SORT1: variants seen among roughly 807,000 people sequenced by gnomAD.
The protein encoded by SORT1 is sortilin 1.
Under a neutral mutation model 101.7 loss-of-function variants are expected in SORT1, and 39 were observed. That is an observed-to-expected ratio of 0.38 (90% CI 0.30 to 0.50). The LOEUF (loss-of-function observed/expected upper bound fraction) is 0.50, where lower values mean the gene tolerates loss of function less well. SORT1 is among the 20% of genes least tolerant of loss of function. The pLI is 0.90. For synonymous variants in SORT1, 396 were observed against 393.7 expected, an observed-to-expected ratio of 1.01 and a Z score of -0.07; for missense variants, 878 against 1,040.4, an observed-to-expected ratio of 0.84 and a Z score of 2.15.
At chr1:109,353,917 G>A (rs1344712270) in intron 5 of SORT1, among the ~76,000 whole-genome samples, 1 of 151,926 alleles carries the variant, frequency 6.6e-6, no homozygotes, top group Non-Finnish European at 1.5e-5. Flanking sequence ...TTAAGACTTT[G>A]GATATTTAAT....
intron 1 of SORT1, among the ~76,000 whole-genome samples, chr1:109,384,244 C>T (rs898035151): frequency 1.5e-4 from 23 of 152,314 alleles, no homozygotes; most frequent in African/African-American, 5.3e-4. Flanking sequence ...ATGTCACTAT[C>T]ATGCATTAAA....
At chr1:109,361,344 T>A (rs1650708958) in intron 3 of SORT1, among the ~76,000 whole-genome samples, 1 of 152,208 alleles carries the variant, frequency 6.6e-6, no homozygotes. Context: ...GCTTTTTCTC[T>A]ACTGTCCAAC....
intron 1 of SORT1, among the ~76,000 whole-genome samples, chr1:109,387,949 C>CA (rs913320279): frequency 5.9e-4 from 86 of 144,784 alleles, no homozygotes; most frequent in African/African-American, 1.1e-3. Context: ...GACCCTGTCT[C>CA]AAAAAAAAAA....
At chr1:109,376,032 G>A (rs1288324250) in intron 1 of SORT1, among the ~76,000 whole-genome samples, 1 of 152,142 alleles carries the variant, frequency 6.6e-6, no homozygotes, top group Non-Finnish European at 1.5e-5. Flanking sequence ...TGTGAAAAGC[G>A]ATTTGGAGAT....
chr1:109,322,741 T>C (rs1054990020), intron 15 of SORT1, among the ~76,000 whole-genome samples, 191 bp downstream of exon 15: 12 of 152,202 alleles, frequency 7.9e-5, no homozygotes, highest in African/African-American at 2.9e-4. Flanking sequence ...GGTTTCACCA[T>C]GTTGACCAGG....
rs999396296 is a variant in SORT1 at position 109,310,925 on chromosome 1, G to C, written c.*3118C>G. ...CATTACCAGCCTGTCAAGGATGAAA[G>C]ACCACCTTGGGCATGGAGAGGCCCA... is the stretch of plus-strand genomic sequence containing the variant. On this transcript the variant is annotated 3_prime_UTR_variant, in exon 20 of 20. Transcript: ENST00000256637. 6.6e-6 allele frequency: 1 copy of C among 152,156 alleles called. No homozygotes were observed. The highest frequency in any genetic ancestry group is 1.5e-5 in the Non-Finnish European group (1 of 68,074). 9.4% of individuals were successfully genotyped at this position (152,156 alleles called of 1,614,324 possible). A position where few individuals can be genotyped will look rare whatever the true frequency, so the allele number is the denominator to read the frequency against.
intron 3 of SORT1, among the ~76,000 whole-genome samples, chr1:109,362,177 G>T (rs1650767775): frequency 6.6e-6 from 1 of 151,926 alleles, no homozygotes; most frequent in South Asian, 2.1e-4. Context: ...CATTAAATAA[G>T]GTATCTTTAA....
At chr1:109,326,829 T>C (rs1365990150) in intron 13 of SORT1, 163 bp downstream of exon 13, 5 of 510,258 alleles carry the variant, frequency 9.8e-6, no homozygotes, top group Non-Finnish European at 1.4e-5. Context: ...TGCCATTTAA[T>C]CTGAGTTGCC....
intron 13 of SORT1, among the ~76,000 whole-genome samples, chr1:109,325,538 C>A (rs1647948587): frequency 6.6e-6 from 1 of 152,046 alleles, no homozygotes; most frequent in South Asian, 2.1e-4. Context: ...CCGCACCCAG[C>A]CAACTATTTT....
chr1:109,332,882 C>T (rs1435255142), intron 11 of SORT1, among the ~76,000 whole-genome samples: 5 of 152,138 alleles, frequency 3.3e-5, no homozygotes, highest in African/African-American at 4.8e-5. Context: ...CTTAAATAAA[C>T]GGTGCTGGGA....
chr1:109,314,409 C>T, intron 18 of SORT1, 25 bp from the exon 19 acceptor site: 1 of 1,612,526 alleles, frequency 6.2e-7, no homozygotes, highest in Non-Finnish European at 8.5e-7. Flanking sequence ...CTCCTTAACA[C>T]TCGGTGGTAC....
chr1:109,381,274 A>G (rs1652213908), intron 1 of SORT1, among the ~76,000 whole-genome samples: 1 of 152,186 alleles, frequency 6.6e-6, no homozygotes, highest in South Asian at 2.1e-4. Flanking sequence ...TGTGTTAGGT[A>G]TCTTACACAC....
chr1:109,378,628 C>T (rs1652004592), intron 1 of SORT1, among the ~76,000 whole-genome samples: 1 of 140,292 alleles, frequency 7.1e-6, no homozygotes, highest in Non-Finnish European at 1.5e-5. Context: ...TCTATAATAT[C>T]AAAATAATGA....
Position 109,322,923 on chromosome 1 carries a change from T to C in SORT1, c.2024+9A>G. On this transcript the variant is annotated intron_variant, in intron 15 of 19. Transcript: ENST00000256637. ...AAGGGAGACAGAGAAATCTGAGGAA[T>C]GCTGATACCAGAGAAAGTCCTCCAG... The C allele has an allele frequency of 6.2e-7, 1 of 1,604,770 alleles. No homozygotes were observed. Among genetic ancestry groups the C allele is most frequent in the East Asian group, 2.2e-5 (1 of 44,772 alleles).
intron 1 of SORT1, among the ~76,000 whole-genome samples, chr1:109,382,060 T>G (rs1198584435): frequency 6.0e-5 from 9 of 150,194 alleles, no homozygotes; most frequent in African/African-American, 1.7e-4. Flanking sequence ...CTATTTTTAC[T>G]TAAAAAAAAA....
intron 6 of SORT1, among the ~76,000 whole-genome samples, chr1:109,349,073 G>A (rs1335991150): frequency 3.3e-5 from 5 of 152,196 alleles, no homozygotes; most frequent in Non-Finnish European, 7.3e-5. Flanking sequence ...CACCTGGTAC[G>A]GTGGCTCATG....
chr1:109,335,346 G>A (rs1469910006), intron 11 of SORT1, among the ~76,000 whole-genome samples: 3 of 152,188 alleles, frequency 2.0e-5, no homozygotes, highest in Non-Finnish European at 4.4e-5. Flanking sequence ...GGCTTAAGGT[G>A]AGGAGGGCAG....
chr1:109,368,063 G>C (rs1192131242), intron 2 of SORT1, among the ~76,000 whole-genome samples: 5 of 152,102 alleles, frequency 3.3e-5, no homozygotes, highest in African/African-American at 1.2e-4. Context: ...GGAGGCTGAG[G>C]CGGACGGATC....
chr1:109,378,048 T>G (rs894862554), intron 1 of SORT1, among the ~76,000 whole-genome samples: 1 of 151,918 alleles, frequency 6.6e-6, no homozygotes, highest in African/African-American at 2.4e-5. Flanking sequence ...CTGGGCAATA[T>G]AGTGAGACCC....
Sources: allele counts gnomAD v4.1 joint callset (sites outside exome capture counted in the v4.1 genomes callset), GRCh38; gene constraint gnomAD v4.1.1; transcripts MANE v1.5; gene names NCBI Gene and HGNC (gene_info 2026-07-23, HGNC 2026-07-21).